GJD2: variants seen among roughly 807,000 people sequenced by gnomAD.
GJD2 encodes gap junction protein delta 2, also known as gap junction delta-2 protein.
Under a neutral mutation model 24.3 loss-of-function variants are expected in GJD2, and 12 were observed. The observed-to-expected ratio is 0.49, with a 90% CI of 0.32 to 0.80. The LOEUF is 0.80. GJD2 is among the 30% of genes least tolerant of loss of function. GJD2 has a pLI of 0.04. For missense variants in GJD2, 268 were observed against 402.4 expected, an observed-to-expected ratio of 0.67 and a Z score of 2.86; for synonymous variants, 171 against 155.2, an observed-to-expected ratio of 1.10 and a Z score of -0.76.
At position 34,751,688 on chromosome 15, in the gene GJD2, C is replaced by T. The variant is rs1022612765; in HGVS notation, c.*790G>A. 6.6e-6 allele frequency: 1 copy of T among 152,238 alleles called. No homozygotes were observed. Among genetic ancestry groups the T allele is most frequent in the East Asian group, 1.9e-4 (1 of 5,180 alleles). The allele number at this position is 152,238 out of a possible 1,614,324, so 9.4% of individuals were successfully genotyped here. Reference sequence around the variant, plus strand: ...CGTAACCGTGTGCCTAACTGTGCAACAACAATCTCACAAAAGTGTTGTAGT... The same window carrying T: ...CGTAACCGTGTGCCTAACTGTGCAATAACAATCTCACAAAAGTGTTGTAGT... On this transcript the variant is annotated 3_prime_UTR_variant, in exon 2 of 2. Coordinates refer to ENST00000290374, the MANE Select transcript of GJD2 (RefSeq NM_020660.3).
rs1284416241 is a variant in GJD2 at position 34,753,609 on chromosome 15, T to G, written c.72-237A>C. On this transcript the variant is annotated intron_variant, in intron 1 of 1. Coordinates refer to ENST00000290374, the MANE Select transcript of GJD2 (RefSeq NM_020660.3). ...GAGATCCCAGGTACACACATCTCCA[T>G]ACACTGGACATAGTCTACTTGCAAC... Among the ~76,000 whole-genome samples, 4 of 152,178 alleles carry G rather than the reference T, an allele frequency of 2.6e-5. No individual in the cohort carries two copies. In the East Asian group the frequency reaches 7.7e-4, roughly 29 times the overall value.
chr15:34,752,177 T>TA lies in GJD2; in HGVS notation c.*300dup. 1 of 382,312 alleles carries TA rather than the reference T, an allele frequency of 2.6e-6. No homozygotes were observed. The highest frequency in any genetic ancestry group is 4.8e-5 in the East Asian group (1 of 21,008). The allele number at this position is 382,312 out of a possible 1,614,324, so 23.7% of individuals were successfully genotyped here. The stretch of plus-strand genomic sequence containing the variant: ...CTCAGCAGGGCTAAGTCCTACTTGG[T>TA]AGCTGTGCAAGTTCAGTGTTATCAG... On this transcript the variant is annotated 3_prime_UTR_variant, in exon 2 of 2. Transcript: ENST00000290374.
rs553859461 is a variant in GJD2, at chr15:34,752,380, T to C, written c.*98A>G. 7 of 958,836 alleles carry C rather than the reference T, an allele frequency of 7.3e-6. No homozygotes were observed. The highest frequency in any genetic ancestry group is 6.5e-5 in the African/African-American group (4 of 61,472). The allele number at this position is 958,836 out of a possible 1,614,324, so 59.4% of individuals were successfully genotyped here. A position where few individuals can be genotyped will look rare whatever the true frequency, so the allele number is the denominator to read the frequency against. Reference sequence around the variant, plus strand: ...CCAGTCTTATCCTACATCTTAATGGTGAGGGTCACATAAATGAGGGTGGAT... The same window carrying C: ...CCAGTCTTATCCTACATCTTAATGGCGAGGGTCACATAAATGAGGGTGGAT... On this transcript the variant is annotated 3_prime_UTR_variant, in exon 2 of 2. Transcript: ENST00000290374.
chr15:34,754,830 C>T lies in GJD2; in HGVS notation c.-342G>A, dbSNP rs1309527466. The T allele has an allele frequency of 8.2e-6, 2 of 243,056 alleles. No individual in the cohort carries two copies. The highest frequency in any genetic ancestry group is 1.6e-5 in the Non-Finnish European group (2 of 125,474). 15.1% of individuals were successfully genotyped at this position (243,056 alleles called of 1,614,324 possible). On this transcript the variant is annotated 5_prime_UTR_variant, in exon 1 of 2. Coordinates refer to ENST00000290374, the MANE Select transcript of GJD2 (RefSeq NM_020660.3). The surrounding 1 kb of genome is among the most constrained non-coding windows in gnomAD (Gnocchi z 5.9). ...GCCTGCAGGTCCTCCAGCGCTCGCC[C>T]GCCCAGGAGAAGTCTCAGCGCCGCT... is the stretch of plus-strand genomic sequence containing the variant.
intron 1 of GJD2, among the ~76,000 whole-genome samples, 176 bp from the exon 2 acceptor site, chr15:34,753,548 C>A (rs905238913): frequency 1.3e-5 from 2 of 152,158 alleles, no homozygotes; most frequent in Admixed American, 1.3e-4. Context: ...TCCTTTTCTG[C>A]TGAGTGCTGG....
In GJD2 at chr15:34,754,047, C is replaced by T. The variant is rs897857849; in HGVS notation, c.71+371G>A. Among the ~76,000 whole-genome samples the T allele has an allele frequency of 1.2e-4, 18 of 152,186 alleles. No individual in the cohort carries two copies. Among genetic ancestry groups the T allele is most frequent in the African/African-American group, 4.1e-4 (17 of 41,440 alleles). ...AATCCATCTCCCCATTTGCCCTTTT[C>T]TGTCCAAATGCAATCCTGCCTTCTT... On this transcript the variant is annotated intron_variant, in intron 1 of 1. Coordinates refer to ENST00000290374, the MANE Select transcript of GJD2 (RefSeq NM_020660.3). This position sits in a 1 kb window ranked among gnomAD's most constrained non-coding sequence, Gnocchi z 5.9.
intron 1 of GJD2, among the ~76,000 whole-genome samples, chr15:34,753,814 TTTA>T (rs2140414643): frequency 6.6e-6 from 1 of 152,266 alleles, no homozygotes; most frequent in African/African-American, 2.4e-5. Flanking sequence ...GAATATTAAA[TTTA>T]ATGCTTTATA....
rs1891102185 is a variant in GJD2, at chr15:34,751,534, A to G, written c.*944T>C. On this transcript the variant is annotated 3_prime_UTR_variant, in exon 2 of 2. Coordinates refer to ENST00000290374, the MANE Select transcript of GJD2 (RefSeq NM_020660.3). Reference sequence around the variant, plus strand: ...GCTGTGTTGCACAACAAAACTATGTAAGAAAATGAGTGAGATACACCAGTT... The same window carrying G: ...GCTGTGTTGCACAACAAAACTATGTGAGAAAATGAGTGAGATACACCAGTT... The G allele has an allele frequency of 6.6e-6, 1 of 152,244 alleles. No homozygotes were observed. Among genetic ancestry groups the G allele is most frequent in the South Asian group, 2.1e-4 (1 of 4,828 alleles). The allele number at this position is 152,244 out of a possible 1,614,324, so 9.4% of individuals were successfully genotyped here.
chr15:34,751,926 T>C lies in GJD2; in HGVS notation c.*552A>G, dbSNP rs1205214265. The C allele has an allele frequency of 5.8e-5, 6 of 102,612 alleles. No individual in the cohort carries two copies. The highest frequency in any genetic ancestry group is 2.3e-4 in the African/African-American group (6 of 26,222). 6.4% of individuals were successfully genotyped at this position (102,612 alleles called of 1,614,324 possible). Reference sequence around the variant, plus strand: ...TCCCTCTAAGTTTGCAAATAAAACATATTAGGTCTAATGTAAGGCCAGATT... The same window carrying C: ...TCCCTCTAAGTTTGCAAATAAAACACATTAGGTCTAATGTAAGGCCAGATT... On this transcript the variant is annotated 3_prime_UTR_variant, in exon 2 of 2. Coordinates refer to ENST00000290374, the MANE Select transcript of GJD2 (RefSeq NM_020660.3).
In GJD2 at chr15:34,753,102, T is replaced by G. The variant is rs962840095; in HGVS notation, c.342A>C (p.Leu114=). 6.2e-7 allele frequency: 1 copy of G among 1,613,932 alleles called. No individual in the cohort carries two copies. Among genetic ancestry groups the G allele is most frequent in the African/African-American group, 1.3e-5 (1 of 74,876 alleles). Residue 114 remains leucine, a synonymous_variant, in exon 2 of 2, where the codon CTA becomes CTC. Transcript: ENST00000290374. The part of the protein sequence containing the change: ...QRERRYSTVF[L]ALDRDPPESI... ...ACTCAGGGGGGTCTCTGTCCAGGGC[T>G]AGGAAGACTGTAGAGTAGCGGCGTT... is the stretch of plus-strand genomic sequence containing the variant.
rs746411936 is a variant in GJD2 at position 34,753,114 on chromosome 15, A to C, written c.330T>G (p.Ser110=). 5.0e-6 allele frequency: 8 copies of C among 1,614,006 alleles called. No individual in the cohort carries two copies. The African/African-American group carries it at 9.3e-5, about 19-fold the overall frequency. ...QSAKQRERRY[S]TVFLALDRDP... Reference sequence around the variant, plus strand: ...CTCTGTCCAGGGCTAGGAAGACTGTAGAGTAGCGGCGTTCTCGCTGCTTGG... The same window carrying C: ...CTCTGTCCAGGGCTAGGAAGACTGTCGAGTAGCGGCGTTCTCGCTGCTTGG... Residue 110 remains serine, a synonymous_variant, in exon 2 of 2, where the codon TCT becomes TCG. Coordinates refer to ENST00000290374, the MANE Select transcript of GJD2 (RefSeq NM_020660.3).
At chr15:34,753,446 T>G in intron 1 of GJD2, 74 bp from the exon 2 acceptor site, 1 of 1,363,424 alleles carries the variant, frequency 7.3e-7, no homozygotes, top group South Asian at 1.3e-5. Flanking sequence ...GCTCCTCCCT[T>G]CCCTTTGCTG....
Position 34,753,046 on chromosome 15 carries a change from C to A in GJD2, c.398G>T (p.Gly133Val). The change falls in exon 2 of 2, where the codon GGG (glycine) becomes GTG (valine). Residue 133 changes from glycine to valine, a missense_variant. Physicochemically the swap from Gly to Val is moderately radical, Grantham distance 109. Around this residue, in one of 3 missense-constraint regions of GJD2, gnomAD observed 87 missense variants for 77.8 expected, o/e 1.12. Transcript: ENST00000290374. ...TTCTCGTTTGCCCCCACCACTGCCCCCACCCCCAGTTCCTCCAGGACCTCC... is the reference window on the plus strand; with the variant it reads ...TTCTCGTTTGCCCCCACCACTGCCCACACCCCCAGTTCCTCCAGGACCTCC... ...SIGGPGGTGGGGSGGGKREDK... is the reference protein window; with the variant it reads ...SIGGPGGTGGVGSGGGKREDK... The A allele has an allele frequency of 6.2e-7, 1 of 1,614,120 alleles. No individual in the cohort carries two copies. Among genetic ancestry groups the A allele is most frequent in the South Asian group, 1.1e-5 (1 of 91,066 alleles).
At position 34,754,610 on chromosome 15, in the gene GJD2, T is replaced by A; in HGVS notation, c.-122A>T. 1 of 720,148 alleles carries A rather than the reference T, an allele frequency of 1.4e-6. No homozygotes were observed. The highest frequency in any genetic ancestry group is 2.3e-5 in the Admixed American group (1 of 43,556). The allele number at this position is 720,148 out of a possible 1,614,324, so 44.6% of individuals were successfully genotyped here. On this transcript the variant is annotated 5_prime_UTR_variant, in exon 1 of 2. Transcript: ENST00000290374. The surrounding 1 kb of genome is among the most constrained non-coding windows in gnomAD (Gnocchi z 5.9). Reference sequence around the variant, plus strand: ...AATTGCCTCCCAATTAAAGAAGCAATTTTTTAAAAAATCCTCGAATCCCCC... The same window carrying A: ...AATTGCCTCCCAATTAAAGAAGCAAATTTTTAAAAAATCCTCGAATCCCCC...
chr15:34,753,038 C>G lies in GJD2; in HGVS notation c.406G>C (p.Gly136Arg). 6.2e-7 allele frequency: 1 copy of G among 1,614,058 alleles called. No individual in the cohort carries two copies. The highest frequency in any genetic ancestry group is 2.2e-5 in the East Asian group (1 of 44,886). ...TTCTTATCTTCTCGTTTGCCCCCAC[C>G]ACTGCCCCCACCCCCAGTTCCTCCA... is the stretch of plus-strand genomic sequence containing the variant. ...GPGGTGGGGS[G>R]GGKREDKKLQ... Residue 136 changes from glycine to arginine, a missense_variant, in exon 2 of 2, where the codon GGT becomes CGT. Gly to Arg is a moderately radical substitution (Grantham distance 125). Transcript: ENST00000290374.
Position 34,754,547 on chromosome 15 carries a change from C to T in GJD2, c.-59G>A. On this transcript the variant is annotated 5_prime_UTR_variant, in exon 1 of 2. Coordinates refer to ENST00000290374, the MANE Select transcript of GJD2 (RefSeq NM_020660.3). This position sits in a 1 kb window ranked among gnomAD's most constrained non-coding sequence, Gnocchi z 5.9. ...GGCAGCACCGGGCACGTTCCCGCTC[C>T]TGGCCCCTCCCCGGGCCGCACTTCC... 1 of 1,382,966 alleles carries T rather than the reference C, an allele frequency of 7.2e-7. No individual in the cohort carries two copies. Among genetic ancestry groups the T allele is most frequent in the Non-Finnish European group, 1.0e-6 (1 of 970,482 alleles). 85.7% of individuals were successfully genotyped at this position (1,382,966 alleles called of 1,614,324 possible). A position where few individuals can be genotyped will look rare whatever the true frequency, so the allele number is the denominator to read the frequency against.
intron 1 of GJD2, 36 bp from the exon 2 acceptor site, chr15:34,753,408 C>T: frequency 1.3e-6 from 2 of 1,546,380 alleles, no homozygotes; most frequent in Non-Finnish European, 1.7e-6. Context: ...GAGGTTCTCA[C>T]GGGCTGCGTC....
rs1891116222 is a variant in GJD2 at position 34,752,411 on chromosome 15, C to T, written c.*67G>A. On this transcript the variant is annotated 3_prime_UTR_variant, in exon 2 of 2. Coordinates refer to ENST00000290374, the MANE Select transcript of GJD2 (RefSeq NM_020660.3). ...TCACATAAATGAGGGTGGATACAGC[C>T]ACGTCTGAGCAGTCATCTGCCTTGG... is the stretch of plus-strand genomic sequence containing the variant. The T allele has an allele frequency of 3.8e-6, 5 of 1,315,350 alleles. No homozygotes were observed. In the South Asian group the frequency reaches 6.7e-5, roughly 18 times the overall value. 81.5% of individuals were successfully genotyped at this position (1,315,350 alleles called of 1,614,324 possible). A position where few individuals can be genotyped will look rare whatever the true frequency, so the allele number is the denominator to read the frequency against.
Position 34,752,300 on chromosome 15 carries a change from T to A in GJD2, c.*178A>T. 1 of 607,520 alleles carries A rather than the reference T, an allele frequency of 1.6e-6. No homozygotes were observed. The highest frequency in any genetic ancestry group is 2.9e-6 in the Non-Finnish European group (1 of 344,692). The allele number at this position is 607,520 out of a possible 1,614,324, so 37.6% of individuals were successfully genotyped here. On this transcript the variant is annotated 3_prime_UTR_variant, in exon 2 of 2. Coordinates refer to ENST00000290374, the MANE Select transcript of GJD2 (RefSeq NM_020660.3). ...TCTCTGTAGAACCAATTAGGTGATA[T>A]GTGAAAATGGGTCCACTTTTCCTCC...
Sources: allele counts gnomAD v4.1 joint callset (sites outside exome capture counted in the v4.1 genomes callset), GRCh38; gene constraint gnomAD v4.1.1; regional missense constraint gnomAD v4.1.1; non-coding constraint Gnocchi (gnomAD v3.1); transcripts MANE v1.5; gene names NCBI Gene and HGNC (gene_info 2026-07-23, HGNC 2026-07-21).